The following PLD5 variants were observed in gnomAD, a reference collection of about 807,000 sequenced individuals.
PLD5 encodes phospholipase D family member 5.
A neutral mutation model predicts 61.1 loss-of-function variants in PLD5; 36 were observed. The ratio of observed to expected loss-of-function variants is 0.59; its 90% confidence interval spans 0.45 to 0.78. The LOEUF (loss-of-function observed/expected upper bound fraction) is 0.78. PLD5 is among the 30% of genes least tolerant of loss of function. The pLI, the probability that PLD5 is intolerant of heterozygous loss-of-function variation, is 0.00. For synonymous variants in PLD5, 243 were observed against 242.8 expected (o/e 1.00, Z -0.01); for missense variants, 515 against 644.4 (o/e 0.80, Z 2.17).
At chr1:242,516,204 C>T (rs937131449) in intron 1 of PLD5, among the ~76,000 whole-genome samples, 2 of 150,158 alleles carry the variant, frequency 1.3e-5, no homozygotes, top group African/African-American at 4.9e-5. Context: ...TGGATTAAAA[C>T]TCTTTGTCAG....
At chr1:242,133,619 C>T (rs1435954) in intron 5 of PLD5, among the ~76,000 whole-genome samples, 100,533 of 152,048 alleles carry the variant, frequency 0.66, 33,635 homozygotes, top group African/African-American at 0.74. Context: ...TCTTCCTTCC[C>T]TCCCTCCTTT....
chr1:242,369,295 C>G (rs1661506349), intron 1 of PLD5, among the ~76,000 whole-genome samples: 1 of 152,124 alleles, frequency 6.6e-6, no homozygotes, highest in Non-Finnish European at 1.5e-5. Context: ...AAAATGCAAA[C>G]TGGCAGAGCT....
chr1:242,085,518 A>G lies in PLD5; in HGVS notation c.*4336T>C, dbSNP rs1396496563. ...TTAAGTCAATAAGGTGAAAATGGTA[A>G]GCAGCTATTTTGTTAACAACATATA... On this transcript the variant is annotated 3_prime_UTR_variant, in exon 10 of 10. Transcript: ENST00000536534. 6.6e-6 allele frequency: 1 copy of G among 152,228 alleles called. No homozygotes were observed. The highest frequency in any genetic ancestry group is 1.5e-5 in the Non-Finnish European group (1 of 68,042). 9.4% of individuals were successfully genotyped at this position (152,228 alleles called of 1,614,324 possible). A position where few individuals can be genotyped will look rare whatever the true frequency, so the allele number is the denominator to read the frequency against.
At chr1:242,419,299 CAA>C (rs1362016667) in intron 1 of PLD5, among the ~76,000 whole-genome samples, 2 of 151,700 alleles carry the variant, frequency 1.3e-5, no homozygotes, top group Admixed American at 1.3e-4. Flanking sequence ...AAAGTCATGG[CAA>C]AGACTCGTCG....
At chr1:242,491,329 TATAG>T (rs1273016914) in intron 1 of PLD5, among the ~76,000 whole-genome samples, 3 of 152,194 alleles carry the variant, frequency 2.0e-5, no homozygotes, top group Non-Finnish European at 4.4e-5. Context: ...ATTACTTATA[TATAG>T]ATAGACATTT....
intron 4 of PLD5, among the ~76,000 whole-genome samples, chr1:242,220,744 A>ATTTTG (rs1214603109): frequency 7.4e-6 from 1 of 135,960 alleles, no homozygotes; most frequent in Non-Finnish European, 1.5e-5. Flanking sequence ...ATTTTATTTT[A>ATTTTG]TTTTATTTTT....
intron 1 of PLD5, among the ~76,000 whole-genome samples, chr1:242,512,877 T>A (rs903387902): frequency 2.9e-4 from 41 of 141,582 alleles, no homozygotes; most frequent in Admixed American, 2.8e-3. Flanking sequence ...TTATTTTTTC[T>A]TTTTTTTTTT....
At chr1:242,432,703 G>A (rs1275678543) in intron 1 of PLD5, among the ~76,000 whole-genome samples, 1 of 152,228 alleles carries the variant, frequency 6.6e-6, no homozygotes, top group Middle Eastern at 3.4e-3. Context: ...GGTCACATGG[G>A]TAGGCACCAT....
At chr1:242,386,908 T>C (rs2149260833) in intron 1 of PLD5, among the ~76,000 whole-genome samples, 1 of 152,282 alleles carries the variant, frequency 6.6e-6, no homozygotes, top group East Asian at 1.9e-4. Flanking sequence ...GCAAAATATT[T>C]TCAAATGGGT....
intron 3 of PLD5, among the ~76,000 whole-genome samples, chr1:242,274,496 T>C (rs1674297445): frequency 6.6e-6 from 1 of 152,370 alleles, no homozygotes; most frequent in East Asian, 1.9e-4. Flanking sequence ...GGCTCACGCC[T>C]GTAATCCCAG....
rs114749614 is a variant in PLD5, at chr1:242,161,216, T to G, written c.736-36551A>C. Among the ~76,000 whole-genome samples the G allele has an allele frequency of 8.3e-3, 1,262 of 152,182 alleles. 20 individuals are homozygous for G. The highest frequency in any genetic ancestry group is 0.029 in the African/African-American group (1,211 of 41,484). On this transcript the variant is annotated intron_variant, in intron 5 of 9. Transcript: ENST00000536534. ...CTCATAGTTGCACATGGCTGGGGAT[T>G]CCACACAATCATGGCACAAGGCAGA...
chr1:242,334,401 T>C (rs1208095400), intron 2 of PLD5, among the ~76,000 whole-genome samples: 5 of 152,168 alleles, frequency 3.3e-5, no homozygotes, highest in Admixed American at 6.5e-5. Context: ...AAGATGCTCA[T>C]ATTATAAGGA....
intron 1 of PLD5, among the ~76,000 whole-genome samples, chr1:242,387,610 T>C (rs1396729672): frequency 1.3e-5 from 2 of 150,346 alleles, no homozygotes; most frequent in East Asian, 1.9e-4. Context: ...AGAATACATA[T>C]ATATTTTGTA....
At chr1:242,414,827 G>T (rs1664736794) in intron 1 of PLD5, among the ~76,000 whole-genome samples, 1 of 152,118 alleles carries the variant, frequency 6.6e-6, no homozygotes. Flanking sequence ...GGCATCCTAA[G>T]CAAGGAAAAA....
chr1:242,446,186 AT>A (rs1323943141), intron 1 of PLD5, among the ~76,000 whole-genome samples: 10 of 151,990 alleles, frequency 6.6e-5, no homozygotes, highest in Non-Finnish European at 1.5e-4. Flanking sequence ...CAATCTATGC[AT>A]ATAACAAAAT....
chr1:242,525,024 TC>T (rs1669407242), upstream of PLD5, among the ~76,000 whole-genome samples: 4 of 151,452 alleles, frequency 2.6e-5, no homozygotes, highest in South Asian at 8.3e-4. Flanking sequence ...CCTCCGCCCT[TC>T]CCCCATCTCT....
At chr1:242,483,721 T>C (rs1312556833) in intron 1 of PLD5, among the ~76,000 whole-genome samples, 2 of 152,188 alleles carry the variant, frequency 1.3e-5, no homozygotes, top group African/African-American at 4.8e-5. Flanking sequence ...AATAGACATC[T>C]ACAGAACTCT....
chr1:242,167,884 A>T (rs1558298109), intron 5 of PLD5, among the ~76,000 whole-genome samples: 1 of 152,248 alleles, frequency 6.6e-6, no homozygotes, highest in African/African-American at 2.4e-5. Context: ...CAATTTGCTC[A>T]TTCACATGTG....
At chr1:242,404,875 A>ATTTTTGTTTTTTT (rs1664139795) in intron 1 of PLD5, among the ~76,000 whole-genome samples, 1 of 75,408 alleles carries the variant, frequency 1.3e-5, no homozygotes, top group Non-Finnish European at 2.3e-5. Context: ...TTCCCTGCTA[A>ATTTTTGTTTTTTT]TTTTTTTTTT....
Sources: allele counts gnomAD v4.1 joint callset (sites outside exome capture counted in the v4.1 genomes callset), GRCh38; gene constraint gnomAD v4.1.1; transcripts MANE v1.5; gene names NCBI Gene and HGNC (gene_info 2026-07-23, HGNC 2026-07-21).